LRP1B: variants seen among roughly 807,000 people sequenced by gnomAD.
The protein encoded by LRP1B is low-density lipoprotein receptor-related protein 1B.
In LRP1B, 217 loss-of-function variants were observed where a neutral mutation model predicts 556.6. The ratio of observed to expected loss-of-function variants is 0.39; its 90% CI spans 0.35 to 0.44. The LOEUF (loss-of-function observed/expected upper bound fraction) is 0.44, where lower values mean the gene tolerates loss of function less well. LRP1B is among the 20% of genes least tolerant of loss of function. The probability of loss-of-function intolerance (pLI) is 1.00; values close to 1 mark genes in which losing one functional copy is unlikely to be tolerated. For missense variants in LRP1B, 5,053 were observed against 5,620.8 expected, an observed-to-expected ratio of 0.90 and a Z score of 3.23; for synonymous variants, 2,047 against 1,865.8, an observed-to-expected ratio of 1.10 and a Z score of -2.50.
intron 14 of LRP1B, among the ~76,000 whole-genome samples, chr2:141,008,258 T>C (rs920148563): frequency 6.6e-6 from 1 of 151,468 alleles, no homozygotes. Flanking sequence ...TTACTTTACA[T>C]ATACATTATA....
intron 2 of LRP1B, among the ~76,000 whole-genome samples, chr2:141,626,625 C>A (rs920269274): frequency 6.6e-6 from 1 of 152,090 alleles, no homozygotes; most frequent in African/African-American, 2.4e-5. Flanking sequence ...AAATGAACAA[C>A]CTGATTCAAA....
chr2:140,807,633 G>C (rs1690766844), intron 32 of LRP1B, among the ~76,000 whole-genome samples: 1 of 151,152 alleles, frequency 6.6e-6, no homozygotes, highest in Non-Finnish European at 1.5e-5. Context: ...TTACAGATGT[G>C]AGTCACTGCT....
At chr2:140,315,135 T>C (rs768187530) in intron 82 of LRP1B, 36 bp from the exon 83 acceptor site, 1 of 1,388,398 alleles carries the variant, frequency 7.2e-7, no homozygotes, top group African/African-American at 1.4e-5. Flanking sequence ...TTAGCATGTT[T>C]TCAGGGAGTA....
intron 7 of LRP1B, among the ~76,000 whole-genome samples, chr2:141,176,842 G>C (rs1680759186): frequency 6.6e-6 from 1 of 152,034 alleles, no homozygotes; most frequent in Admixed American, 6.6e-5. Context: ...TTTTAAAATA[G>C]AGGCCTTTGA....
At chr2:140,910,339 G>C (rs1370180546) in intron 21 of LRP1B, among the ~76,000 whole-genome samples, 1 of 151,716 alleles carries the variant, frequency 6.6e-6, no homozygotes, top group Admixed American at 6.6e-5. Context: ...CACCTCATTT[G>C]CCAATCTGGA....
intron 2 of LRP1B, among the ~76,000 whole-genome samples, chr2:141,545,924 T>C (rs1246421713): frequency 1.3e-5 from 2 of 152,162 alleles, no homozygotes; most frequent in Admixed American, 6.6e-5. Context: ...GGAACACGTG[T>C]TGAACTTCTG....
intron 7 of LRP1B, among the ~76,000 whole-genome samples, chr2:141,074,504 T>A (rs1232574426): frequency 6.6e-6 from 1 of 151,302 alleles, no homozygotes; most frequent in Admixed American, 6.6e-5. Context: ...CTTGACTCAG[T>A]GTTATATGCT....
chr2:142,068,558 G>T (rs929936201), intron 1 of LRP1B, among the ~76,000 whole-genome samples: 3 of 151,324 alleles, frequency 2.0e-5, no homozygotes, highest in African/African-American at 7.3e-5. Flanking sequence ...ACATTGTCTT[G>T]TCCATTCCCT....
At chr2:141,997,441 A>G (rs1351753330) in intron 1 of LRP1B, among the ~76,000 whole-genome samples, 10 of 7,106 alleles carry the variant, frequency 1.4e-3, no homozygotes, top group Admixed American at 5.6e-3. Context: ...GTGTGTGTGT[A>G]TATACACACA....
chr2:141,791,366 G>A (rs1233512761), intron 2 of LRP1B, among the ~76,000 whole-genome samples: 1 of 151,854 alleles, frequency 6.6e-6, no homozygotes, highest in Non-Finnish European at 1.5e-5. Context: ...TATTTATATG[G>A]ATTGAGCTAT....
intron 2 of LRP1B, among the ~76,000 whole-genome samples, chr2:141,689,701 A>G (rs1203798816): frequency 6.6e-6 from 1 of 151,724 alleles, no homozygotes; most frequent in Non-Finnish European, 1.5e-5. Flanking sequence ...TTTTCTCATC[A>G]TAACTTAGAA....
At chr2:141,868,887 CACTG>C (rs999412560) in intron 1 of LRP1B, among the ~76,000 whole-genome samples, 4 of 152,020 alleles carry the variant, frequency 2.6e-5, no homozygotes, top group Non-Finnish European at 4.4e-5. Context: ...ACAAAGTAAT[CACTG>C]ACTGACATAA....
At chr2:141,340,289 A>C (rs2105514452) in intron 3 of LRP1B, among the ~76,000 whole-genome samples, 1 of 152,352 alleles carries the variant, frequency 6.6e-6, no homozygotes, top group East Asian at 1.9e-4. Context: ...TGTGAGAAGC[A>C]CCAGGCAGCA....
At chr2:141,851,596 A>G (rs1558918003) in intron 1 of LRP1B, among the ~76,000 whole-genome samples, 4 of 151,856 alleles carry the variant, frequency 2.6e-5, no homozygotes, top group African/African-American at 9.7e-5. Flanking sequence ...AAATACTCAT[A>G]CCAAATAAAG....
chr2:141,316,255 C>T (rs1038860452), intron 3 of LRP1B, among the ~76,000 whole-genome samples: 3 of 152,074 alleles, frequency 2.0e-5, no homozygotes, highest in Admixed American at 6.6e-5. Context: ...ACTAGCAATA[C>T]ATTTGTCTTT....
intron 32 of LRP1B, among the ~76,000 whole-genome samples, chr2:140,795,510 G>C (rs1337057783): frequency 6.6e-6 from 1 of 152,040 alleles, no homozygotes; most frequent in Non-Finnish European, 1.5e-5. Context: ...AATTGATACA[G>C]ATGTCTATTT....
intron 7 of LRP1B, among the ~76,000 whole-genome samples, chr2:141,169,981 T>C (rs1276084581): frequency 6.6e-6 from 1 of 152,030 alleles, no homozygotes; most frequent in Non-Finnish European, 1.5e-5. Context: ...TATACAGCAA[T>C]GTAATCTCAT....
chr2:141,020,092 A>G lies in LRP1B; in HGVS notation c.1800T>C (p.Asn600=), dbSNP rs1332362375. ...TCCAGTCCACAGCAATGCCCTCTACATTATCCAGATCTATAAAAAAAGCAA... is the reference window on the plus strand; with the variant it reads ...TCCAGTCCACAGCAATGCCCTCTACGTTATCCAGATCTATAAAAAAAGCAA... ...RETILKDDLD[N]VEGIAVDWIG... is the part of the protein sequence containing the mutation. The change falls in exon 12 of 91, where the codon AAT becomes AAC. Residue 600 remains asparagine, a synonymous_variant. Coordinates refer to ENST00000389484, the MANE Select transcript of LRP1B (RefSeq NM_018557.3). The G allele has an allele frequency of 6.4e-7, 1 of 1,573,980 alleles. No individual in the cohort carries two copies. The highest frequency in any genetic ancestry group is 1.2e-5 in the South Asian group (1 of 84,190).
intron 1 of LRP1B, among the ~76,000 whole-genome samples, chr2:141,992,454 G>C (rs10200401): frequency 0.43 from 65,466 of 151,956 alleles, 15,168 homozygotes; most frequent in African/African-American, 0.6. Context: ...TTACCACACA[G>C]GAAAATGTCT....
Sources: allele counts gnomAD v4.1 joint callset (sites outside exome capture counted in the v4.1 genomes callset), GRCh38; gene constraint gnomAD v4.1.1; transcripts MANE v1.5; gene names NCBI Gene and HGNC (gene_info 2026-07-23, HGNC 2026-07-21).